Variants in FAM47E observed in about 807,000 individuals in gnomAD.
The protein encoded by FAM47E is protein FAM47E.
FAM47E carries 32 observed loss-of-function variants against 41.6 expected under a neutral mutation model. The ratio of observed to expected loss-of-function variants is 0.77; its 90% CI spans 0.58 to 1.03. FAM47E has a LOEUF of 1.03. Ranked by LOEUF, FAM47E falls within the 50% of genes least tolerant of loss-of-function variation. FAM47E has a pLI of 0.00. For missense variants in FAM47E, 424 were observed against 485.4 expected (o/e 0.87, Z 1.19); for synonymous variants, 184 against 188.7 (o/e 0.98, Z 0.20).
At chr4:76,216,920 T>A (rs1733218080) in intron 1 of FAM47E, among the ~76,000 whole-genome samples, 2 of 152,208 alleles carry the variant, frequency 1.3e-5, no homozygotes, top group Non-Finnish European at 2.9e-5. Context: ...GTAATCTCTG[T>A]CTTATCACCG....
In FAM47E at chr4:76,256,282, C is replaced by T. The variant is rs1479118062; in HGVS notation, c.179C>T (p.Pro60Leu). 34 of 1,551,582 alleles carry T rather than the reference C, an allele frequency of 2.2e-5. No homozygotes were observed. The highest frequency in any genetic ancestry group is 8.2e-5 in the African/African-American group (6 of 73,018). ...KGLDDFRKGC[P>L]PCTGLVTQVP... ...CTGGACGACTTCAGGAAGGGCTGCCCGCCTTGCACTGGTCTGGTGACTCAG... is the reference window on the plus strand; with the variant it reads ...CTGGACGACTTCAGGAAGGGCTGCCTGCCTTGCACTGGTCTGGTGACTCAG... The change falls in exon 2 of 8, where the codon CCG becomes CTG. Residue 60 changes from proline to leucine, a missense_variant. Physicochemically the swap from Pro to Leu is moderately conservative, Grantham distance 98 (BLOSUM62 -3). Transcript: ENST00000424749.
At chr4:76,238,688 TCATGTTAGG>T (rs1006359714) in intron 2 of FAM47E, among the ~76,000 whole-genome samples, 1 of 152,244 alleles carries the variant, frequency 6.6e-6, no homozygotes, top group Non-Finnish European at 1.5e-5. Context: ...GGGTGCTTAG[TCATGTTAGG>T]TACAGAGACA....
In FAM47E at chr4:76,256,214, C is replaced by T; in HGVS notation, c.111C>T (p.Pro37=). 1 of 1,551,620 alleles carries T rather than the reference C, an allele frequency of 6.4e-7. No individual in the cohort carries two copies. The change falls in exon 2 of 8, where the codon CCC becomes CCT. Residue 37 remains proline (P), a synonymous_variant. Transcript: ENST00000424749. ...AGCACAAGAACGGGCTGAAGTTCCC[C>T]ACCTCTCTGCACAGCCGGCAGTTGG... ...FTKHKNGLKF[P]TSLHSRQLVF... is the part of the protein sequence containing the mutation.
intron 3 of FAM47E, chr4:76,267,712 G>C (rs1474437957): frequency 6.6e-6 from 1 of 152,156 alleles, no homozygotes; most frequent in Non-Finnish European, 1.5e-5. Flanking sequence ...CCATAAAAAG[G>C]AATAAACTAC....
At chr4:76,232,489 A>G (rs1040962949) in intron 2 of FAM47E, among the ~76,000 whole-genome samples, 1 of 152,234 alleles carries the variant, frequency 6.6e-6, no homozygotes, top group Non-Finnish European at 1.5e-5. Flanking sequence ...ACACTTGGAA[A>G]CACAATTGAC....
upstream of FAM47E, among the ~76,000 whole-genome samples, chr4:76,249,204 G>T (rs1183095374): frequency 3.3e-5 from 5 of 151,896 alleles, no homozygotes; most frequent in East Asian, 9.7e-4. Context: ...CACCAGCCTG[G>T]GCAACAGAGT....
At chr4:76,266,033 A>G (rs948819208) in intron 3 of FAM47E, among the ~76,000 whole-genome samples, 2 of 152,198 alleles carry the variant, frequency 1.3e-5, no homozygotes, top group African/African-American at 4.8e-5. Context: ...TTTGACCTCT[A>G]TGTTAACTAA....
exon 1 of FAM47E, chr4:76,214,089 C>T (rs559518593): frequency 1.3e-4 from 45 of 356,686 alleles, no homozygotes; most frequent in African/African-American, 8.8e-4. Flanking sequence ...ATTGCCGAAC[C>T]TGGTTCACAC....
chr4:76,219,583 G>T (rs1733272116), intron 2 of FAM47E, among the ~76,000 whole-genome samples: 1 of 152,154 alleles, frequency 6.6e-6, no homozygotes, highest in Admixed American at 6.5e-5. Context: ...GTATAAACGA[G>T]AAAGCCAGGT....
intron 2 of FAM47E, among the ~76,000 whole-genome samples, chr4:76,244,442 C>G (rs1733778661): frequency 6.6e-6 from 1 of 151,840 alleles, no homozygotes; most frequent in South Asian, 2.1e-4. Flanking sequence ...TTCTAACTGG[C>G]CTGAGATGGT....
In FAM47E at chr4:76,256,428, C is replaced by CA; in HGVS notation, c.326dup (p.Ala110GlyfsTer41). 6.4e-7 allele frequency: 1 copy of CA among 1,552,376 alleles called. No homozygotes were observed. The highest frequency in any genetic ancestry group is 8.7e-7 in the Non-Finnish European group (1 of 1,147,462). On this transcript the variant is annotated frameshift_variant, in exon 2 of 8. Coordinates refer to ENST00000424749, the MANE Select transcript of FAM47E (RefSeq NM_001136570.3). LOFTEE classifies it high-confidence loss of function. ...GCTTTCCAAGCTCTCGCCAGCCCAGCAGGCTCGGAAGGCATTCCTGGAGGA... is the reference window on the plus strand; with the variant it reads ...GCTTTCCAAGCTCTCGCCAGCCCAGCAAGGCTCGGAAGGCATTCCTGGAGGA...
intron 2 of FAM47E, among the ~76,000 whole-genome samples, chr4:76,258,478 G>A (rs1218533470): frequency 6.6e-6 from 1 of 152,196 alleles, no homozygotes; most frequent in African/African-American, 2.4e-5. Context: ...AAAGTAGACA[G>A]TGGGCAGTCA....
intron 7 of FAM47E, 102 bp from the exon 8 acceptor site, chr4:76,283,279 G>A: frequency 3.1e-6 from 2 of 652,576 alleles, no homozygotes; most frequent in South Asian, 3.6e-5. Context: ...ATATATATTA[G>A]AGTGTGAAAT....
intron 2 of FAM47E, among the ~76,000 whole-genome samples, chr4:76,245,730 C>G (rs2109995153): frequency 6.6e-6 from 1 of 152,316 alleles, no homozygotes; most frequent in African/African-American, 2.4e-5. Context: ...TACATCCCAT[C>G]TACTCTTCAT....
At position 76,271,693 on chromosome 4, in the gene FAM47E, T is replaced by A. The variant is rs755809691; in HGVS notation, c.795T>A (p.Ser265Arg). The A allele has an allele frequency of 4.5e-6, 7 of 1,551,888 alleles. No individual in the cohort carries two copies. The highest frequency in any genetic ancestry group is 6.1e-6 in the Non-Finnish European group (7 of 1,147,022). ...LNQVPLELKR[S>R]VGLSKLQETE... The stretch of plus-strand genomic sequence containing the variant: ...AGGTTCCTCTGGAGCTAAAGCGTAG[T>A]GTGGGGCTCAGTAAACTGCAGGAGA... Residue 265 changes from serine to arginine, a missense_variant, in exon 5 of 8, where the codon AGT becomes AGA. Coordinates refer to ENST00000424749, the MANE Select transcript of FAM47E (RefSeq NM_001136570.3).
chr4:76,223,796 C>T (rs566603283), intron 2 of FAM47E, among the ~76,000 whole-genome samples: 1 of 152,314 alleles, frequency 6.6e-6, no homozygotes, highest in South Asian at 2.1e-4. Context: ...TATTTGGACT[C>T]TCCACTCTCC....
At position 76,232,019 on chromosome 4, in the gene FAM47E, T is replaced by C. The variant is rs529412479; in HGVS notation, c.81+14331T>C. ...GAGAAGTGGATTCCTATTGCACTGA[T>C]GTAAACAACTATATTGCCATAAGTT... On this transcript the variant is annotated intron_variant, in intron 2 of 7. Transcript: ENST00000510197. 6.6e-5 allele frequency among the ~76,000 whole-genome samples: 10 copies of C among 152,356 alleles called. No individual in the cohort carries two copies. The South Asian group carries it at 1.0e-3, about 16-fold the overall frequency.
At chr4:76,259,997 A>G (rs557978235) in intron 2 of FAM47E, among the ~76,000 whole-genome samples, 2 of 152,330 alleles carry the variant, frequency 1.3e-5, no homozygotes, top group South Asian at 4.1e-4. Flanking sequence ...CTAGGAATGC[A>G]TTTAATGAAG....
At chr4:76,277,546 A>AT (rs1735178192) in intron 5 of FAM47E, among the ~76,000 whole-genome samples, 2 of 129,110 alleles carry the variant, frequency 1.5e-5, no homozygotes. Flanking sequence ...TAGCAGTTTG[A>AT]TAAAAAAAAA....
Sources: gnomAD v4.1 joint callset for allele counts (sites outside exome capture counted in the v4.1 genomes callset) on GRCh38, gnomAD v4.1.1 for gene constraint, MANE v1.5 for transcripts, NCBI Gene and HGNC (gene_info 2026-07-23, HGNC 2026-07-21) for gene names.